THSD4: variants seen among roughly 807,000 people sequenced by gnomAD.
THSD4 encodes the protein thrombospondin type 1 domain containing 4, also known as thrombospondin type-1 domain-containing protein 4.
A neutral mutation model predicts 119.0 loss-of-function variants in THSD4; 69 were observed. The observed-to-expected ratio is 0.58, with a 90% CI of 0.48 to 0.71. THSD4 has a LOEUF of 0.71. Among genes scored for constraint, THSD4 ranks in the 30% least tolerant of loss-of-function variants. The pLI is 0.00. For missense variants in THSD4, 1,393 were observed against 1,391.1 expected (o/e 1.00, Z -0.02); for synonymous variants, 524 against 540.4 (o/e 0.97, Z 0.42).
At chr15:71,660,191 A>G (rs2051274149) in intron 7 of THSD4, among the ~76,000 whole-genome samples, 1 of 152,176 alleles carries the variant, frequency 6.6e-6, no homozygotes, top group Non-Finnish European at 1.5e-5. Context: ...GATTCTTTAT[A>G]TAAAAATCCC....
At chr15:71,577,133 A>G (rs4321149) in intron 7 of THSD4, among the ~76,000 whole-genome samples, 86,159 of 151,618 alleles carry the variant, frequency 0.57, 24,748 homozygotes, top group East Asian at 0.69. Flanking sequence ...AGTATTTCTC[A>G]TATTCAAAAT....
intron 5 of THSD4, among the ~76,000 whole-genome samples, chr15:71,247,484 C>T (rs1475083383): frequency 2.0e-5 from 3 of 152,156 alleles, no homozygotes; most frequent in Non-Finnish European, 4.4e-5. Flanking sequence ...TATGTGCCAC[C>T]GCACACGCCA....
chr15:71,318,269 G>A (rs1053462770), intron 6 of THSD4, among the ~76,000 whole-genome samples: 2 of 152,166 alleles, frequency 1.3e-5, no homozygotes, highest in African/African-American at 4.8e-5. Flanking sequence ...CACAGACTAG[G>A]AGAGAGGCAG....
chr15:71,315,672 T>C (rs993813551), intron 6 of THSD4, among the ~76,000 whole-genome samples: 3 of 152,222 alleles, frequency 2.0e-5, no homozygotes, highest in Non-Finnish European at 4.4e-5. Context: ...AGGCTTTGTT[T>C]GCAGATAAAT....
chr15:71,406,787 C>T (rs1420011896), intron 6 of THSD4, among the ~76,000 whole-genome samples: 1 of 152,006 alleles, frequency 6.6e-6, no homozygotes, highest in Non-Finnish European at 1.5e-5. Context: ...TCAAGCAATT[C>T]TCTTGCCTCA....
At chr15:71,690,119 A>T (rs572761871) in intron 8 of THSD4, among the ~76,000 whole-genome samples, 10 of 152,330 alleles carry the variant, frequency 6.6e-5, no homozygotes, top group Admixed American at 6.5e-4. Flanking sequence ...AAAATAAGTC[A>T]AATTTCAGCC....
rs546469324 is a variant in THSD4, at chr15:71,689,519, C to T, written c.1357+28785C>T. 2.8e-4 allele frequency among the ~76,000 whole-genome samples: 43 copies of T among 152,324 alleles called. 1 individual carries two copies. In the South Asian group the frequency reaches 8.3e-3, roughly 29 times the overall value. On this transcript the variant is annotated intron_variant, in intron 8 of 17. Transcript: ENST00000261862. The stretch of plus-strand genomic sequence containing the variant: ...CTCCATATACAGAATAAGCCTTCCC[C>T]CTCAGTGCTGTCATAAAATCAGTAA...
At chr15:71,594,840 A>G (rs1221764974) in intron 7 of THSD4, among the ~76,000 whole-genome samples, 1 of 152,218 alleles carries the variant, frequency 6.6e-6, no homozygotes, top group East Asian at 1.9e-4. Flanking sequence ...TATTTTATGC[A>G]TGAGGGATAT....
chr15:71,624,649 G>A (rs190546819), intron 7 of THSD4, among the ~76,000 whole-genome samples: 16 of 152,046 alleles, frequency 1.1e-4, no homozygotes, highest in Admixed American at 6.6e-4. Context: ...TTTTTATGAT[G>A]CCTTGTTCAA....
intron 6 of THSD4, 146 bp from the exon 7 acceptor site, chr15:71,411,541 C>T (rs565358975): frequency 2.5e-6 from 2 of 786,250 alleles, no homozygotes; most frequent in Middle Eastern, 4.0e-4. Context: ...ACTTATTGAA[C>T]TGTATAGTTG....
intron 3 of THSD4, among the ~76,000 whole-genome samples, chr15:71,170,414 A>G (rs1466867087): frequency 2.0e-5 from 3 of 152,214 alleles, no homozygotes; most frequent in East Asian, 1.9e-4. Flanking sequence ...CCCACTAGGC[A>G]TACTTTAAAA....
In THSD4 at chr15:71,509,509, ATT is replaced by A. The variant is rs2048245971; in HGVS notation, c.1152+97687_1152+97688del. Among the ~76,000 whole-genome samples the A allele has an allele frequency of 2.0e-5, 3 of 152,348 alleles. 1 individual carries two copies. In the South Asian group the frequency reaches 6.2e-4, roughly 32 times the overall value. On this transcript the variant is annotated intron_variant, in intron 7 of 17. Transcript: ENST00000261862. Reference sequence around the variant, plus strand: ...AAATCAACCCCCAGGCCAAGTAATGATTACATGTTAGTTATACAATGGTAGAT... The same window carrying A: ...AAATCAACCCCCAGGCCAAGTAATGAACATGTTAGTTATACAATGGTAGAT...
intron 4 of THSD4, among the ~76,000 whole-genome samples, chr15:71,231,961 TC>T (rs1025847033): frequency 1.3e-5 from 2 of 152,092 alleles, no homozygotes; most frequent in African/African-American, 4.8e-5. Context: ...ATATCCTTTC[TC>T]CCTTTGGCAG....
intron 7 of THSD4, among the ~76,000 whole-genome samples, chr15:71,442,658 G>GTT (rs1555414314): frequency 6.4e-5 from 2 of 31,344 alleles, no homozygotes; most frequent in African/African-American, 9.9e-5. Flanking sequence ...GTGTGTGTGT[G>GTT]TGTATATATA....
At chr15:71,653,546 A>G (rs991375374) in intron 7 of THSD4, among the ~76,000 whole-genome samples, 2 of 152,210 alleles carry the variant, frequency 1.3e-5, no homozygotes, top group African/African-American at 4.8e-5. Flanking sequence ...CCTACAATGC[A>G]TAAGGCAACC....
At chr15:71,236,648 A>T (rs915162460) in intron 4 of THSD4, among the ~76,000 whole-genome samples, 3 of 152,172 alleles carry the variant, frequency 2.0e-5, no homozygotes, top group Admixed American at 6.5e-5. Context: ...TTCGTTTGTT[A>T]TTTCAGCTTT....
chr15:71,110,824 G>A (rs1198201137), upstream of THSD4: 16 of 316,340 alleles, frequency 5.1e-5, no homozygotes, highest in Non-Finnish European at 8.2e-5. Flanking sequence ...CCTTCCTTTA[G>A]TCGTTCATAG....
intron 7 of THSD4, among the ~76,000 whole-genome samples, chr15:71,593,019 T>C (rs974969275): frequency 3.3e-5 from 5 of 152,186 alleles, no homozygotes; most frequent in Non-Finnish European, 7.3e-5. Flanking sequence ...AACCTCAGGT[T>C]CTTTCCAGAG....
intron 8 of THSD4, among the ~76,000 whole-genome samples, chr15:71,680,332 A>T (rs2051747944): frequency 6.6e-6 from 1 of 152,324 alleles, no homozygotes; most frequent in Admixed American, 6.5e-5. Context: ...CTCAGCAGGC[A>T]GCATAGATCC....
Sources: gnomAD v4.1 joint callset for allele counts (sites outside exome capture counted in the v4.1 genomes callset) on GRCh38, gnomAD v4.1.1 for gene constraint, MANE v1.5 for transcripts, NCBI Gene and HGNC (gene_info 2026-07-23, HGNC 2026-07-21) for gene names.